NOTCH3: variants seen among roughly 807,000 people sequenced by gnomAD.
NOTCH3 encodes notch receptor 3.
Under a neutral mutation model 213.3 loss-of-function variants are expected in NOTCH3, and 86 were observed. The ratio of observed to expected loss-of-function variants is 0.40; its 90% confidence interval spans 0.34 to 0.48. The LOEUF (loss-of-function observed/expected upper bound fraction) is 0.48, where lower values mean the gene tolerates loss of function less well. Ranked by LOEUF, NOTCH3 falls within the 20% of genes least tolerant of loss-of-function variation. The pLI is 0.57. For synonymous variants in NOTCH3, 1,354 were observed against 1,355.9 expected (o/e 1.00, Z 0.03); for missense variants, 2,783 against 3,272.6 (o/e 0.85, Z 3.65).
At chr19:15,198,081 T>C (rs73506365) in intron 1 of NOTCH3, among the ~76,000 whole-genome samples, 3,072 of 152,232 alleles carry the variant, frequency 0.02, 111 homozygotes, top group African/African-American at 0.069. Context: ...GACCAAGGCA[T>C]GTACCCACGA....
Position 15,170,902 on chromosome 19 carries a change from C to T in NOTCH3, c.4737-77G>A, listed in dbSNP as rs1796925481. On this transcript the variant is annotated intron_variant, in intron 25 of 32. Transcript: ENST00000263388. ...CCCCTGGTACCAAGCCCCACTTTCC[C>T]TCCCCAGCGCCTGGCTCTGAAGCGC... 7 of 1,519,400 alleles carry T rather than the reference C, an allele frequency of 4.6e-6. No homozygotes were observed. In the South Asian group the frequency reaches 8.3e-5, roughly 18 times the overall value. The allele number at this position is 1,519,400 out of a possible 1,614,324, so 94.1% of individuals were successfully genotyped here. A position where few individuals can be genotyped will look rare whatever the true frequency, so the allele number is the denominator to read the frequency against.
rs886044600 is a variant in NOTCH3 at position 15,179,497 on chromosome 19, C to T, written c.3328-1G>A. Reference sequence around the variant, plus strand: ...TATCACCATTGTAGCCAGGAAGACACTTCAGTGGGGTAAGAGAGGGACCCA... The same window carrying T: ...TATCACCATTGTAGCCAGGAAGACATTTCAGTGGGGTAAGAGAGGGACCCA... On this transcript the variant is annotated splice_acceptor_variant, in intron 20 of 32. Coordinates refer to ENST00000263388, the MANE Select transcript of NOTCH3 (RefSeq NM_000435.3). LOFTEE classifies it high-confidence loss of function. The T allele has an allele frequency of 6.2e-7, 1 of 1,613,926 alleles. No homozygotes were observed. Among genetic ancestry groups the T allele is most frequent in the Non-Finnish European group, 8.5e-7 (1 of 1,180,022 alleles).
At chr19:15,187,795 C>T in intron 10 of NOTCH3, 86 bp downstream of exon 10, 1 of 1,136,386 alleles carries the variant, frequency 8.8e-7, no homozygotes. Flanking sequence ...ACCCCGCCCC[C>T]AAGCTCTCCC....
chr19:15,178,133 G>A, intron 23 of NOTCH3, 43 bp from the exon 24 acceptor site: 1 of 1,236,052 alleles, frequency 8.1e-7, no homozygotes. Context: ...AATGAGGGTG[G>A]GGAGTGGAGG....
rs184928292 is a variant in NOTCH3 at position 15,176,398 on chromosome 19, G to A, written c.4403+1127C>T. Among the ~76,000 whole-genome samples the A allele has an allele frequency of 4.8e-3, 729 of 152,074 alleles. 5 individuals are homozygous for A. The highest frequency in any genetic ancestry group is 8.7e-3 in the Non-Finnish European group (592 of 68,000). The stretch of plus-strand genomic sequence containing the variant: ...GCCCAAGCTCAAACTCCTGACCTCA[G>A]GTGATCTGCCCTCCTCTGCCTCCCA... On this transcript the variant is annotated intron_variant, in intron 24 of 32. Coordinates refer to ENST00000263388, the MANE Select transcript of NOTCH3 (RefSeq NM_000435.3).
In NOTCH3 at chr19:15,177,058, C is replaced by T. The variant is rs539696497; in HGVS notation, c.4403+467G>A. The stretch of plus-strand genomic sequence containing the variant: ...TTGCACTCCAGTCTGGGCAAGAGAG[C>T]GAGACTCCGTCTTAAAAAAAAAAAA... On this transcript the variant is annotated intron_variant, in intron 24 of 32. Transcript: ENST00000263388. Among the ~76,000 whole-genome samples the T allele has an allele frequency of 1.9e-3, 226 of 116,422 alleles. 6 individuals carry two copies. The South Asian group carries it at 0.063, about 32-fold the overall frequency. 76.4% of individuals were successfully genotyped at this position (116,422 alleles called of 152,430 possible). A position where few individuals can be genotyped will look rare whatever the true frequency, so the allele number is the denominator to read the frequency against.
intron 28 of NOTCH3, among the ~76,000 whole-genome samples, chr19:15,168,282 A>C (rs2046702367): frequency 1.3e-5 from 2 of 151,992 alleles, no homozygotes; most frequent in African/African-American, 4.8e-5. Context: ...TCTAATACCT[A>C]CTTTGGGATG....
At chr19:15,189,922 C>T (rs2046914856) in intron 6 of NOTCH3, among the ~76,000 whole-genome samples, 1 of 152,178 alleles carries the variant, frequency 6.6e-6, no homozygotes, top group African/African-American at 2.4e-5. Flanking sequence ...CATATACCCA[C>T]CACCTAGATT....
rs867505691 is a variant in NOTCH3, at chr19:15,181,769, C to T, written c.2599G>A (p.Gly867Ser). Residue 867 changes from glycine to serine, a missense_variant, in exon 17 of 33, where the codon GGC becomes AGC. Physicochemically the swap from Gly to Ser is moderately conservative, Grantham distance 56. This residue lies in a region of NOTCH3 where 861 missense variants were observed against 909.1 expected (regional missense o/e 0.95). Transcript: ENST00000263388. ...CAGGAGCAGGAAAAGGAGCCCACGCCGTCTTGGCACGAGCCACCGTTCAGG... is the reference window on the plus strand; with the variant it reads ...CAGGAGCAGGAAAAGGAGCCCACGCTGTCTTGGCACGAGCCACCGTTCAGG... The part of the protein sequence containing the change: ...PCLNGGSCQD[G>S]VGSFSCSCLP... 4.5e-6 allele frequency: 7 copies of T among 1,565,952 alleles called. No homozygotes were observed. The African/African-American group carries it at 5.4e-5, about 12-fold the overall frequency.
intron 2 of NOTCH3, among the ~76,000 whole-genome samples, chr19:15,194,605 G>T (rs2046955015): frequency 6.6e-6 from 1 of 152,108 alleles, no homozygotes; most frequent in Admixed American, 6.6e-5. Context: ...GTAAGGAGGG[G>T]GCCATGGGGC....
chr19:15,188,103 T>G, intron 9 of NOTCH3, 109 bp from the exon 10 acceptor site: 1 of 1,069,096 alleles, frequency 9.4e-7, no homozygotes, highest in East Asian at 2.6e-5. Flanking sequence ...GGATTTAAAT[T>G]AACTTCAATG....
chr19:15,186,755 G>A, intron 12 of NOTCH3, 123 bp downstream of exon 12: 5 of 821,972 alleles, frequency 6.1e-6, no homozygotes, highest in Non-Finnish European at 1.0e-5. Context: ...CACAGACTCA[G>A]GGCAAAGCAC....
chr19:15,179,657 A>C, intron 20 of NOTCH3, 161 bp from the exon 21 acceptor site: 1 of 717,062 alleles, frequency 1.4e-6, no homozygotes, highest in East Asian at 2.7e-5. Context: ...CGAGGTGGGC[A>C]GATCACCTGA....
chr19:15,167,234 G>T lies in NOTCH3; in HGVS notation c.5362+15C>A. 6.2e-7 allele frequency: 1 copy of T among 1,607,114 alleles called. No individual in the cohort carries two copies. On this transcript the variant is annotated intron_variant, in intron 29 of 32. Transcript: ENST00000263388. ...GGGTGAGGGGCATCCCTTTGGGAGG[G>T]GCACTGTCACTAACCTGGGCCACGC...
chr19:15,165,729 C>A lies in NOTCH3; in HGVS notation c.5667+58G>T. 2 of 1,582,470 alleles carry A rather than the reference C, an allele frequency of 1.3e-6. No homozygotes were observed. Among genetic ancestry groups the A allele is most frequent in the Non-Finnish European group, 1.7e-6 (2 of 1,163,558 alleles). The stretch of plus-strand genomic sequence containing the variant: ...CTGAAAGGCAGAACTGGGGCTCAAA[C>A]CCAGGTAAGTCTAATGCCTGCCCCA... On this transcript the variant is annotated intron_variant, in intron 30 of 32. Transcript: ENST00000263388. This position sits in a 1 kb window ranked among gnomAD's most constrained non-coding sequence, Gnocchi z 4.7.
intron 24 of NOTCH3, among the ~76,000 whole-genome samples, chr19:15,174,763 G>A (rs1041062599): frequency 8.5e-5 from 13 of 152,054 alleles, no homozygotes; most frequent in Admixed American, 7.9e-4. Context: ...TAGCAGAGAC[G>A]GGGTTTTACT....
In NOTCH3 at chr19:15,165,552, G is replaced by T; in HGVS notation, c.5668-37C>A. On this transcript the variant is annotated intron_variant, in intron 30 of 32. Coordinates refer to ENST00000263388, the MANE Select transcript of NOTCH3 (RefSeq NM_000435.3). This position sits in a 1 kb window ranked among gnomAD's most constrained non-coding sequence, Gnocchi z 4.7. Reference sequence around the variant, plus strand: ...AGTGGATGCAGCAGGAGGGGTCATGGCAGGAACAGAGGAATCAGGAGCACC... The same window carrying T: ...AGTGGATGCAGCAGGAGGGGTCATGTCAGGAACAGAGGAATCAGGAGCACC... 6.2e-7 allele frequency: 1 copy of T among 1,605,542 alleles called. No individual in the cohort carries two copies.
Position 15,179,396 on chromosome 19 carries a change from C to A in NOTCH3, c.3428G>T (p.Arg1143Leu). 2 of 1,614,068 alleles carry A rather than the reference C, an allele frequency of 1.2e-6. No homozygotes were observed. Among genetic ancestry groups the A allele is most frequent in the African/African-American group, 2.7e-5 (2 of 75,038 alleles). Residue 1143 changes from arginine to leucine, a missense_variant, in exon 21 of 33, where the codon CGC (arginine) becomes CTC (leucine). Coordinates refer to ENST00000263388, the MANE Select transcript of NOTCH3 (RefSeq NM_000435.3). ...TCCTGGGGGACAGGAGCAGAGATAG[C>A]GGGCCACGAGGTCAATGCATGAACC... ...HGGSCIDLVA[R>L]YLCSCPPGTL... is the part of the protein sequence containing the mutation.
Position 15,161,377 on chromosome 19 carries a change from A to G in NOTCH3, c.6251T>C (p.Leu2084Pro), listed in dbSNP as rs1431728665. 6.6e-7 allele frequency: 1 copy of G among 1,525,356 alleles called. No individual in the cohort carries two copies. Among genetic ancestry groups the G allele is most frequent in the East Asian group, 2.4e-5 (1 of 40,908 alleles). The allele number at this position is 1,525,356 out of a possible 1,614,324, so 94.5% of individuals were successfully genotyped here. ...PQGPRGRGKKLTLACPGPLAD... is the reference protein window; with the variant it reads ...PQGPRGRGKKPTLACPGPLAD... The stretch of plus-strand genomic sequence containing the variant: ...CAGGGGGCCCGGGCAGGCCAGCGTC[A>G]GCTTCTTGCCCCGCCCCCGGGGCCC... Residue 2084 changes from leucine to proline, a missense_variant, in exon 33 of 33, where the codon CTG becomes CCG. Transcript: ENST00000263388.
Sources: gnomAD v4.1 joint callset for allele counts (sites outside exome capture counted in the v4.1 genomes callset) on GRCh38, gnomAD v4.1.1 for gene constraint, gnomAD v4.1.1 regional missense constraint, Gnocchi (gnomAD v3.1) non-coding constraint, MANE v1.5 for transcripts, NCBI Gene and HGNC (gene_info 2026-07-23, HGNC 2026-07-21) for gene names.